GRID2: variants seen among roughly 807,000 people sequenced by gnomAD.
GRID2 encodes the protein glutamate receptor ionotropic, delta-2.
In GRID2, 33 loss-of-function variants were observed where a neutral mutation model predicts 114.8. That is an observed-to-expected ratio of 0.29 (90% CI 0.22 to 0.38). The LOEUF (loss-of-function observed/expected upper bound fraction) is 0.38, where lower values mean the gene tolerates loss of function less well. GRID2 is among the 10% of genes least tolerant of loss of function. GRID2 has a pLI of 1.00. For missense variants in GRID2, 1,184 were observed against 1,257.7 expected, an observed-to-expected ratio of 0.94 and a Z score of 0.89; for synonymous variants, 505 against 449.9, an observed-to-expected ratio of 1.12 and a Z score of -1.55.
intron 1 of GRID2, among the ~76,000 whole-genome samples, chr4:92,462,983 A>G (rs1721569419): frequency 6.6e-6 from 1 of 151,996 alleles, no homozygotes; most frequent in Admixed American, 6.6e-5. Context: ...CTGTTTACAT[A>G]AGAGACAGAA....
At chr4:92,736,249 G>C (rs888975512) in intron 2 of GRID2, among the ~76,000 whole-genome samples, 1 of 151,962 alleles carries the variant, frequency 6.6e-6, no homozygotes, top group Non-Finnish European at 1.5e-5. Context: ...AGGTGGAGGA[G>C]GCCTGTGGAT....
At chr4:93,693,964 C>G (rs138243980) in intron 14 of GRID2, among the ~76,000 whole-genome samples, 122 of 152,122 alleles carry the variant, frequency 8.0e-4, no homozygotes, top group Middle Eastern at 3.4e-3. Context: ...GATTGTAAAA[C>G]AAAGAGCAAA....
Position 92,731,302 on chromosome 4 carries a change from C to T in GRID2, c.244+141016C>T, listed in dbSNP as rs185974604. Among the ~76,000 whole-genome samples, 253 of 151,548 alleles carry T rather than the reference C, an allele frequency of 1.7e-3. 1 individual carries two copies. The highest frequency in any genetic ancestry group is 2.3e-3 in the Non-Finnish European group (156 of 67,760). On this transcript the variant is annotated intron_variant, in intron 2 of 15. Transcript: ENST00000282020. ...CAGCAACTTTGGGAAAACCTACTGT[C>T]GGGTAATTGCCATATGGCAAAAACC...
intron 2 of GRID2, among the ~76,000 whole-genome samples, chr4:92,908,989 A>T (rs1402139224): frequency 1.3e-5 from 2 of 152,186 alleles, no homozygotes; most frequent in African/African-American, 4.8e-5. Flanking sequence ...AAAGATTATA[A>T]ATTCACATTA....
At chr4:93,331,288 G>C (rs1282024638) in intron 8 of GRID2, among the ~76,000 whole-genome samples, 1 of 148,916 alleles carries the variant, frequency 6.7e-6, no homozygotes, top group African/African-American at 2.5e-5. Flanking sequence ...CTCTGCTTGG[G>C]AGTTATTCTC....
At chr4:93,013,216 A>G (rs934444849) in intron 2 of GRID2, among the ~76,000 whole-genome samples, 3 of 152,038 alleles carry the variant, frequency 2.0e-5, no homozygotes, top group South Asian at 2.1e-4. Flanking sequence ...ATAACGAAAA[A>G]CATCTAAATA....
chr4:93,716,479 A>G (rs182813534), intron 14 of GRID2, among the ~76,000 whole-genome samples: 7 of 152,156 alleles, frequency 4.6e-5, no homozygotes, highest in Non-Finnish European at 8.8e-5. Flanking sequence ...TCAACAGAAT[A>G]TATTAAGCAC....
At chr4:93,767,920 C>A (rs112936755) in intron 14 of GRID2, among the ~76,000 whole-genome samples, 1 of 152,138 alleles carries the variant, frequency 6.6e-6, no homozygotes, top group African/African-American at 2.4e-5. Context: ...ATAATATATT[C>A]TATGTTCTTA....
At chr4:92,698,823 G>A (rs868371184) in intron 2 of GRID2, among the ~76,000 whole-genome samples, 63 of 152,152 alleles carry the variant, frequency 4.1e-4, no homozygotes, top group African/African-American at 1.4e-3. Context: ...TAAGCCATGT[G>A]TATCTATTAA....
intron 1 of GRID2, among the ~76,000 whole-genome samples, chr4:92,446,519 C>T (rs1234959052): frequency 6.6e-6 from 1 of 152,198 alleles, no homozygotes. Flanking sequence ...CTATGAGGCT[C>T]ATTCATGGAT....
chr4:92,727,873 T>C (rs912812189), intron 2 of GRID2, among the ~76,000 whole-genome samples: 3 of 152,120 alleles, frequency 2.0e-5, no homozygotes, highest in African/African-American at 7.2e-5. Context: ...CACTGATCCA[T>C]ATGAACCCAG....
At chr4:92,460,143 T>C (rs1721428040) in intron 1 of GRID2, among the ~76,000 whole-genome samples, 1 of 148,040 alleles carries the variant, frequency 6.8e-6, no homozygotes, top group South Asian at 2.2e-4. Flanking sequence ...CTTATAATAA[T>C]TTGAACAAAC....
At position 93,510,119 on chromosome 4, in the gene GRID2, G is replaced by A. The variant is rs189206551; in HGVS notation, c.1998-5097G>A. 1.1e-4 allele frequency among the ~76,000 whole-genome samples: 16 copies of A among 152,240 alleles called. No homozygotes were observed. In the East Asian group the frequency reaches 3.1e-3, roughly 29 times the overall value. On this transcript the variant is annotated intron_variant, in intron 12 of 15. Coordinates refer to ENST00000282020, the MANE Select transcript of GRID2 (RefSeq NM_001510.4). ...AGCCCTTTTGCCTGAAGCATCTGGT[G>A]CCTATCCTATCAGCCACGTTCCATT...
chr4:93,650,090 C>T (rs192480946), intron 14 of GRID2, among the ~76,000 whole-genome samples: 56 of 152,176 alleles, frequency 3.7e-4, no homozygotes, highest in African/African-American at 1.3e-3. Context: ...CCTAGGCTCA[C>T]ACTTCCTCTG....
At chr4:92,638,489 T>C (rs1243727954) in intron 2 of GRID2, among the ~76,000 whole-genome samples, 1 of 147,632 alleles carries the variant, frequency 6.8e-6, no homozygotes, top group Non-Finnish European at 1.5e-5. Context: ...ATATATAAAA[T>C]AAAATTTTAT....
At chr4:92,404,648 G>A (rs1345390292) in intron 1 of GRID2, among the ~76,000 whole-genome samples, 1 of 152,162 alleles carries the variant, frequency 6.6e-6, no homozygotes, top group African/African-American at 2.4e-5. Flanking sequence ...ATCAATGATA[G>A]ATTGGATAAA....
In GRID2 at chr4:92,939,790, C is replaced by T. The variant is rs542887680; in HGVS notation, c.245-145205C>T. Among the ~76,000 whole-genome samples the T allele has an allele frequency of 4.2e-3, 618 of 147,248 alleles. 23 individuals are homozygous for T. The highest frequency in any genetic ancestry group is 0.014 in the African/African-American group (581 of 41,236). ...GTTTCAGCTTTCTACATATGGCTAGCCAGTTTTCCCAGCACCATTAATTAA... is the reference window on the plus strand; with the variant it reads ...GTTTCAGCTTTCTACATATGGCTAGTCAGTTTTCCCAGCACCATTAATTAA... On this transcript the variant is annotated intron_variant, in intron 2 of 15. Transcript: ENST00000282020.
At chr4:92,975,280 AT>A (rs571352572) in intron 2 of GRID2, among the ~76,000 whole-genome samples, 108 of 151,412 alleles carry the variant, frequency 7.1e-4, no homozygotes, top group African/African-American at 2.6e-3. Flanking sequence ...CTGATTTTAT[AT>A]TAATACTTTT....
At chr4:93,091,658 C>A (rs1181010511) in intron 3 of GRID2, among the ~76,000 whole-genome samples, 3 of 152,080 alleles carry the variant, frequency 2.0e-5, no homozygotes, top group Non-Finnish European at 4.4e-5. Context: ...TGCACATAGA[C>A]TTTTTATAAA....
Sources: gnomAD v4.1 joint callset for allele counts (sites outside exome capture counted in the v4.1 genomes callset) on GRCh38, gnomAD v4.1.1 for gene constraint, MANE v1.5 for transcripts, NCBI Gene and HGNC (gene_info 2026-07-23, HGNC 2026-07-21) for gene names.